DPH5: variants seen among roughly 807,000 people sequenced by gnomAD.
DPH5 encodes the protein diphthamide biosynthesis 5.
DPH5 carries 31 observed loss-of-function variants against 31.6 expected under a neutral mutation model. That is an observed-to-expected ratio of 0.98 (90% CI 0.74 to 1.32). The LOEUF is 1.32. Among genes scored for constraint, DPH5 ranks in the 40% most tolerant of loss-of-function variants. The pLI, the probability that DPH5 is intolerant of heterozygous loss-of-function variation, is 0.00. For missense variants in DPH5, 309 were observed against 335.7 expected (o/e 0.92, Z 0.62); for synonymous variants, 120 against 115.0 (o/e 1.04, Z -0.28).
At chr1:100,998,233 G>A (rs1168795109) in intron 5 of DPH5, among the ~76,000 whole-genome samples, 1 of 152,134 alleles carries the variant, frequency 6.6e-6, no homozygotes, top group Non-Finnish European at 1.5e-5. Context: ...AAGGGGGGCC[G>A]GGTGCAGTGG....
intron 2 of DPH5, among the ~76,000 whole-genome samples, chr1:101,024,447 T>G (rs1660683319): frequency 6.6e-6 from 1 of 152,208 alleles, no homozygotes; most frequent in Admixed American, 6.5e-5. Flanking sequence ...AAAGTTGGTC[T>G]TTACACACAA....
At chr1:101,004,351 T>C (rs922532848) in intron 4 of DPH5, among the ~76,000 whole-genome samples, 2 of 152,210 alleles carry the variant, frequency 1.3e-5, no homozygotes, top group African/African-American at 4.8e-5. Context: ...AGAACTGAGA[T>C]TGCAGAAGCC....
chr1:101,019,504 TAAAC>T (rs968552103), intron 3 of DPH5, among the ~76,000 whole-genome samples: 3 of 152,170 alleles, frequency 2.0e-5, no homozygotes, highest in African/African-American at 7.2e-5. Flanking sequence ...TTCAGCATCT[TAAAC>T]AATCTTCTTT....
intron 4 of DPH5, among the ~76,000 whole-genome samples, chr1:101,010,754 C>T (rs1659567778): frequency 6.6e-6 from 1 of 152,102 alleles, no homozygotes; most frequent in South Asian, 2.1e-4. Flanking sequence ...GGCAAGATAA[C>T]CTCTCAACAT....
At chr1:101,001,270 G>C (rs1658843453) in intron 5 of DPH5, among the ~76,000 whole-genome samples, 197 bp downstream of exon 5, 2 of 152,318 alleles carry the variant, frequency 1.3e-5, no homozygotes, top group Admixed American at 1.3e-4. Flanking sequence ...TGTGTATGCA[G>C]AAATAGCCAT....
chr1:100,999,946 C>G (rs1416437976), intron 5 of DPH5, among the ~76,000 whole-genome samples: 3 of 151,902 alleles, frequency 2.0e-5, no homozygotes, highest in Non-Finnish European at 2.9e-5. Context: ...AGATGGAGAC[C>G]ACCCTGGCTA....
At chr1:101,015,061 C>T (rs752063888) in intron 3 of DPH5, among the ~76,000 whole-genome samples, 17 of 152,166 alleles carry the variant, frequency 1.1e-4, no homozygotes, top group Non-Finnish European at 2.4e-4. Context: ...TTGGAATCGA[C>T]CCCTCCCAAA....
intron 5 of DPH5, among the ~76,000 whole-genome samples, chr1:101,000,137 A>G (rs1658742330): frequency 6.6e-6 from 1 of 151,136 alleles, no homozygotes; most frequent in Non-Finnish European, 1.5e-5. Flanking sequence ...ACAGATTGAG[A>G]CTCTGTCTTG....
At chr1:101,017,951 A>G (rs947043256) in intron 3 of DPH5, among the ~76,000 whole-genome samples, 20 of 152,356 alleles carry the variant, frequency 1.3e-4, no homozygotes, top group African/African-American at 4.6e-4. Flanking sequence ...CAAATGAAAA[A>G]CTGGCTCAAA....
At chr1:100,998,507 TA>T (rs5776553) in intron 5 of DPH5, among the ~76,000 whole-genome samples, 119,700 of 137,546 alleles carry the variant, frequency 0.87, 52,840 homozygotes, top group Non-Finnish European at 0.96. Context: ...AACCTTATCT[TA>T]AAAAAAAAAA....
rs1371060266 is a variant in DPH5, at chr1:101,001,480, T to C, written c.477A>G (p.Thr159=). ...CAAAACCCTTACCTAGTAAACATAATGTGTGCATGCCATTTTGTCTGTTCT... is the reference window on the plus strand; with the variant it reads ...CAAAACCCTTACCTAGTAAACATAACGTGTGCATGCCATTTTGTCTGTTCT... The part of the protein sequence containing the change: ...VKKNRQNGMH[T]LCLLDIKVKE... The change falls in exon 5 of 8, where the codon ACA becomes ACG. Residue 159 remains threonine, a synonymous_variant. Transcript: ENST00000370109. 1.2e-6 allele frequency: 2 copies of C among 1,613,482 alleles called. No homozygotes were observed. Among genetic ancestry groups the C allele is most frequent in the Non-Finnish European group, 8.5e-7 (1 of 1,179,716 alleles).
intron 5 of DPH5, chr1:100,995,707 TA>T (rs1329957654): frequency 6.5e-6 from 1 of 152,892 alleles, no homozygotes; most frequent in African/African-American, 2.4e-5. Flanking sequence ...TGACCAGATA[TA>T]AACTCTGCTC....
chr1:101,012,900 G>A (rs942120458), intron 4 of DPH5, among the ~76,000 whole-genome samples: 20 of 152,226 alleles, frequency 1.3e-4, no homozygotes, highest in Admixed American at 2.6e-4. Context: ...ATTGGTGCCT[G>A]ATGCTAATGT....
At chr1:100,990,773 C>CA (rs1261734726) in intron 7 of DPH5, 142 bp from the exon 8 acceptor site, 14 of 731,590 alleles carry the variant, frequency 1.9e-5, no homozygotes, top group Non-Finnish European at 2.9e-5. Flanking sequence ...ACCAGTTATC[C>CA]ATTAATTCAT....
rs771567100 is a variant in DPH5 at position 101,001,583 on chromosome 1, T to G, written c.374A>C (p.Tyr125Ser). ...AATAGAAACTGTCTCTCCAAACTTA[T>G]ATAACTAGAAAAAAAAACATTAATT... is the stretch of plus-strand genomic sequence containing the variant. ...NAVGCCGLQLYKFGETVSIVF... is the reference protein window; with the variant it reads ...NAVGCCGLQLSKFGETVSIVF... The change falls in exon 5 of 8, where the codon TAT (tyrosine) becomes TCT (serine). Residue 125 changes from tyrosine (Y) to serine (S), a missense_variant. Tyr to Ser is a moderately radical substitution (Grantham distance 144). Transcript: ENST00000370109. 6.4e-7 allele frequency: 1 copy of G among 1,569,744 alleles called. No individual in the cohort carries two copies.
chr1:101,014,994 T>C (rs1659972724), intron 3 of DPH5, among the ~76,000 whole-genome samples: 1 of 152,224 alleles, frequency 6.6e-6, no homozygotes, highest in Non-Finnish European at 1.5e-5. Context: ...ATTTCTACCA[T>C]ATCTACAGTT....
At chr1:101,021,871 G>A in intron 2 of DPH5, 106 bp from the exon 3 acceptor site, 6 of 1,198,284 alleles carry the variant, frequency 5.0e-6, no homozygotes, top group Non-Finnish European at 6.9e-6. Flanking sequence ...CTTTGTTTGG[G>A]ACTGGTGCAT....
At chr1:101,016,498 G>A (rs1660086832) in intron 3 of DPH5, among the ~76,000 whole-genome samples, 1 of 147,318 alleles carries the variant, frequency 6.8e-6, no homozygotes. Flanking sequence ...AGGCTGGAGT[G>A]CAGTAGCATG....
At chr1:101,014,630 TAAAAC>T (rs1659937495) in intron 3 of DPH5, among the ~76,000 whole-genome samples, 1 of 152,170 alleles carries the variant, frequency 6.6e-6, no homozygotes, top group South Asian at 2.1e-4. Context: ...TTTCTTAAAA[TAAAAC>T]AATGAAATTT....
Sources: gnomAD v4.1 joint callset for allele counts (sites outside exome capture counted in the v4.1 genomes callset) on GRCh38, gnomAD v4.1.1 for gene constraint, MANE v1.5 for transcripts, NCBI Gene and HGNC (gene_info 2026-07-23, HGNC 2026-07-21) for gene names.